ARMH4: variants seen among roughly 807,000 people sequenced by gnomAD.
ARMH4 encodes the protein armadillo like helical domain containing 4, also known as armadillo-like helical domain-containing protein 4.
Under a neutral mutation model 61.9 loss-of-function variants are expected in ARMH4, and 49 were observed. The ratio of observed to expected loss-of-function variants is 0.79; its 90% CI spans 0.63 to 1.00. The LOEUF (loss-of-function observed/expected upper bound fraction) is 1.00. ARMH4 is among the 50% of genes least tolerant of loss of function. The probability of loss-of-function intolerance (pLI) is 0.00; values close to 1 mark genes in which losing one functional copy is unlikely to be tolerated. For missense variants in ARMH4, 934 were observed against 930.0 expected (o/e 1.00, Z -0.06); for synonymous variants, 368 against 341.5 (o/e 1.08, Z -0.85).
At chr14:58,116,771 T>C (rs983815335) in intron 4 of ARMH4, among the ~76,000 whole-genome samples, 1 of 152,232 alleles carries the variant, frequency 6.6e-6, no homozygotes, top group African/African-American at 2.4e-5. Context: ...ATTGCCTATA[T>C]CTGGTTAACA....
chr14:58,039,712 AC>A (rs1263132979), intron 5 of ARMH4, among the ~76,000 whole-genome samples: 2 of 152,156 alleles, frequency 1.3e-5, no homozygotes, highest in Non-Finnish European at 2.9e-5. Flanking sequence ...CACAAAGTTA[AC>A]CTACTAGAAT....
At chr14:58,017,873 C>T (rs1402871896) in intron 5 of ARMH4, among the ~76,000 whole-genome samples, 1 of 152,050 alleles carries the variant, frequency 6.6e-6, no homozygotes, top group African/African-American at 2.4e-5. Flanking sequence ...AAGTACCTAA[C>T]TTCAAAATAT....
chr14:58,042,308 C>T (rs1883750785), intron 5 of ARMH4, among the ~76,000 whole-genome samples: 1 of 152,204 alleles, frequency 6.6e-6, no homozygotes, highest in African/African-American at 2.4e-5. Flanking sequence ...CTCAAAACTG[C>T]TCAACTACAT....
In ARMH4 at chr14:58,001,232, C is replaced by T. The variant is rs1196753041; in HGVS notation, c.*3504G>A. 6.6e-6 allele frequency: 1 copy of T among 151,974 alleles called. No individual in the cohort carries two copies. Among genetic ancestry groups the T allele is most frequent in the Non-Finnish European group, 1.5e-5 (1 of 67,998 alleles). The allele number at this position is 151,974 out of a possible 1,614,324, so 9.4% of individuals were successfully genotyped here. On this transcript the variant is annotated 3_prime_UTR_variant, in exon 8 of 8. Transcript: ENST00000267485. ...ATAATATTCTACTGTATGTATATACCACATTTTCTTTATCCATTCATCTAT... is the reference window on the plus strand; with the variant it reads ...ATAATATTCTACTGTATGTATATACTACATTTTCTTTATCCATTCATCTAT...
At chr14:58,047,498 T>C (rs1396880575) in intron 5 of ARMH4, among the ~76,000 whole-genome samples, 1 of 152,112 alleles carries the variant, frequency 6.6e-6, no homozygotes, top group Admixed American at 6.6e-5. Flanking sequence ...CCCTGTAAGG[T>C]AGGTACAGCC....
rs1432456620 is a variant in ARMH4 at position 58,001,235 on chromosome 14, ATTTTCT to A, written c.*3495_*3500del. 2.0e-5 allele frequency: 3 copies of A among 152,012 alleles called. No individual in the cohort carries two copies. The highest frequency in any genetic ancestry group is 4.4e-5 in the Non-Finnish European group (3 of 68,006). 9.4% of individuals were successfully genotyped at this position (152,012 alleles called of 1,614,324 possible). On this transcript the variant is annotated 3_prime_UTR_variant, in exon 8 of 8. Transcript: ENST00000267485. ...ATATTCTACTGTATGTATATACCAC[ATTTTCT>A]TTATCCATTCATCTATTGATAGATA...
rs575677973 is a variant in ARMH4, at chr14:58,138,573, A to G, written c.786T>C (p.Ala262=). 3.6e-5 allele frequency: 58 copies of G among 1,614,126 alleles called. 1 individual carries two copies. The South Asian group carries it at 5.7e-4, about 16-fold the overall frequency. ...TGGTGGCAGCAGCCTGGGTGTTATCAGCTGTCATCTGCGAAGGCTTCTCCT... is the reference window on the plus strand; with the variant it reads ...TGGTGGCAGCAGCCTGGGTGTTATCGGCTGTCATCTGCGAAGGCTTCTCCT... The part of the protein sequence containing the change: ...PDKEKPSQMT[A]DNTQAAATKQ... Residue 262 remains alanine (A), a synonymous_variant, in exon 2 of 8, where the codon GCT becomes GCC. Transcript: ENST00000267485.
chr14:58,056,434 A>T (rs1050820984), intron 5 of ARMH4, among the ~76,000 whole-genome samples: 2 of 152,388 alleles, frequency 1.3e-5, no homozygotes, highest in African/African-American at 4.8e-5. Context: ...GTTTAATGAA[A>T]GGAAATAAAA....
intron 4 of ARMH4, 115 bp from the exon 5 acceptor site, chr14:58,097,096 A>C: frequency 8.9e-7 from 1 of 1,118,512 alleles, no homozygotes; most frequent in Non-Finnish European, 1.3e-6. Context: ...CTTTTGAAAC[A>C]CATCTTTATA....
At chr14:58,064,913 G>T (rs370604830) in intron 5 of ARMH4, among the ~76,000 whole-genome samples, 27 of 152,278 alleles carry the variant, frequency 1.8e-4, no homozygotes, top group African/African-American at 6.3e-4. Flanking sequence ...GCTGGATCTT[G>T]TAGGATGAAT....
intron 5 of ARMH4, among the ~76,000 whole-genome samples, chr14:58,017,564 A>C (rs1396867974): frequency 1.3e-5 from 2 of 152,174 alleles, no homozygotes; most frequent in Non-Finnish European, 2.9e-5. Context: ...CTCAGGCATA[A>C]ATTTAATCAA....
At chr14:58,123,305 T>C (rs964313215) in intron 4 of ARMH4, among the ~76,000 whole-genome samples, 6 of 152,132 alleles carry the variant, frequency 3.9e-5, no homozygotes, top group Non-Finnish European at 7.3e-5. Context: ...AAGGACAATA[T>C]GGATGAGCAA....
intron 5 of ARMH4, among the ~76,000 whole-genome samples, chr14:58,075,015 G>A (rs1885000410): frequency 6.6e-6 from 1 of 152,126 alleles, no homozygotes; most frequent in Non-Finnish European, 1.5e-5. Context: ...ATCATAACTA[G>A]TCACTAGAGA....
At chr14:58,068,089 G>A (rs1884762607) in intron 5 of ARMH4, among the ~76,000 whole-genome samples, 1 of 152,198 alleles carries the variant, frequency 6.6e-6, no homozygotes, top group African/African-American at 2.4e-5. Context: ...AAGAGTGTGA[G>A]TTAAGCAGAT....
intron 4 of ARMH4, among the ~76,000 whole-genome samples, chr14:58,097,823 G>A (rs377442556): frequency 1.0e-3 from 159 of 151,578 alleles, no homozygotes; most frequent in African/African-American, 3.7e-3. Flanking sequence ...CTCCTCCCTC[G>A]GCCTCCCACA....
intron 1 of ARMH4, among the ~76,000 whole-genome samples, chr14:58,147,530 G>T (rs1289818262): frequency 6.6e-6 from 1 of 152,044 alleles, no homozygotes; most frequent in East Asian, 1.9e-4. Flanking sequence ...GGCCAGGATG[G>T]TCTCAATCTC....
intron 5 of ARMH4, among the ~76,000 whole-genome samples, chr14:58,072,226 T>A (rs967933568): frequency 6.6e-6 from 1 of 152,178 alleles, no homozygotes; most frequent in Non-Finnish European, 1.5e-5. Context: ...GTTGAATGAA[T>A]GAATGGATAG....
chr14:58,010,886 A>C (rs570034440), intron 6 of ARMH4, among the ~76,000 whole-genome samples: 2 of 152,036 alleles, frequency 1.3e-5, no homozygotes, highest in East Asian at 3.9e-4. Context: ...CTTTCTATGG[A>C]AACAATGATA....
At chr14:58,123,418 T>C (rs1886794174) in intron 4 of ARMH4, among the ~76,000 whole-genome samples, 2 of 152,096 alleles carry the variant, frequency 1.3e-5, no homozygotes, top group African/African-American at 4.8e-5. Flanking sequence ...CTCCAAAAGA[T>C]TGTTAAGGAC....
Sources: allele counts gnomAD v4.1 joint callset (sites outside exome capture counted in the v4.1 genomes callset), GRCh38; gene constraint gnomAD v4.1.1; transcripts MANE v1.5; gene names NCBI Gene and HGNC (gene_info 2026-07-23, HGNC 2026-07-21).